SCAPER: variants seen among roughly 807,000 people sequenced by gnomAD.
The protein encoded by SCAPER is S phase cyclin A-associated protein in the endoplasmic reticulum.
A neutral mutation model predicts 182.2 loss-of-function variants in SCAPER; 98 were observed. The ratio of observed to expected loss-of-function variants is 0.54; its 90% confidence interval spans 0.46 to 0.64. SCAPER has a LOEUF of 0.64. SCAPER is among the 30% of genes least tolerant of loss of function. The pLI, the probability that SCAPER is intolerant of heterozygous loss-of-function variation, is 0.00. For synonymous variants in SCAPER, 605 were observed against 564.6 expected, an observed-to-expected ratio of 1.07 and a Z score of -1.01; for missense variants, 1,432 against 1,690.0, an observed-to-expected ratio of 0.85 and a Z score of 2.68.
intron 15 of SCAPER, among the ~76,000 whole-genome samples, chr15:76,746,972 C>T (rs181139978): frequency 5.8e-4 from 89 of 152,278 alleles, no homozygotes; most frequent in African/African-American, 1.8e-3. Flanking sequence ...CCTAACAAAA[C>T]GCCAACAGGC....
chr15:76,825,407 C>T (rs902014334), intron 5 of SCAPER, among the ~76,000 whole-genome samples: 5 of 152,140 alleles, frequency 3.3e-5, no homozygotes, highest in African/African-American at 1.2e-4. Context: ...TCTCCTCCTA[C>T]GGGCCGTATC....
chr15:76,645,249 A>G (rs759433118), intron 21 of SCAPER, among the ~76,000 whole-genome samples: 1 of 152,122 alleles, frequency 6.6e-6, no homozygotes, highest in Non-Finnish European at 1.5e-5. Context: ...GGGTCCTAGA[A>G]CCAAATGAGG....
chr15:76,460,204 G>A (rs948241939), intron 25 of SCAPER, among the ~76,000 whole-genome samples: 4 of 152,096 alleles, frequency 2.6e-5, no homozygotes, highest in African/African-American at 9.7e-5. Context: ...TGATCCATGA[G>A]CATGGATATC....
intron 8 of SCAPER, among the ~76,000 whole-genome samples, chr15:76,778,247 T>C (rs1475409444): frequency 1.3e-5 from 2 of 152,212 alleles, no homozygotes; most frequent in African/African-American, 4.8e-5. Flanking sequence ...GATAAAATAT[T>C]TGAGATAATT....
At chr15:76,351,335 G>A (rs938464304) in intron 30 of SCAPER, 47 bp from the exon 31 acceptor site, 1 of 1,527,530 alleles carries the variant, frequency 6.5e-7, no homozygotes, top group Non-Finnish European at 8.9e-7. Flanking sequence ...TATGAACAGA[G>A]AATTTCACTA....
chr15:76,570,585 C>T (rs2047366876), intron 23 of SCAPER, among the ~76,000 whole-genome samples: 1 of 152,024 alleles, frequency 6.6e-6, no homozygotes, highest in Admixed American at 6.6e-5. Context: ...TCAAGCTTAC[C>T]TTTTATTTCC....
rs2151891272 is a variant in SCAPER, at chr15:76,864,087, C to T, written c.7-1554G>A. ...CATCACATCACAAAAATCACCCAGT[C>T]AACTCACAGAATGAGATAATAGGAA... On this transcript the variant is annotated intron_variant, in intron 2 of 31. Transcript: ENST00000563290. Among the ~76,000 whole-genome samples, 2 of 152,268 alleles carry T rather than the reference C, an allele frequency of 1.3e-5. 1 individual carries two copies. The highest frequency in any genetic ancestry group is 4.1e-4 in the South Asian group (2 of 4,820).
chr15:76,675,642 C>T (rs143610815), intron 20 of SCAPER, among the ~76,000 whole-genome samples: 188 of 152,280 alleles, frequency 1.2e-3, no homozygotes, highest in Non-Finnish European at 2.1e-3. Context: ...ATGCCCTTCC[C>T]ATAATTCCAT....
chr15:76,863,307 T>G (rs1044606400), intron 2 of SCAPER, among the ~76,000 whole-genome samples: 2 of 152,220 alleles, frequency 1.3e-5, no homozygotes, highest in Admixed American at 6.5e-5. Context: ...GGATGCAGCC[T>G]CCTTATCTAA....
intron 14 of SCAPER, among the ~76,000 whole-genome samples, chr15:76,754,213 T>C (rs1412643889): frequency 6.6e-6 from 1 of 152,008 alleles, no homozygotes; most frequent in African/African-American, 2.4e-5. Flanking sequence ...AAAAATAACA[T>C]TACCTAACTC....
intron 5 of SCAPER, among the ~76,000 whole-genome samples, chr15:76,835,281 G>C (rs552132992): frequency 5.7e-4 from 86 of 151,582 alleles, no homozygotes; most frequent in African/African-American, 2.1e-3. Context: ...AAAAAAGAAA[G>C]AAAAACAAAA....
At chr15:76,453,824 T>A (rs1037120847) in intron 25 of SCAPER, among the ~76,000 whole-genome samples, 4 of 152,188 alleles carry the variant, frequency 2.6e-5, no homozygotes, top group Non-Finnish European at 4.4e-5. Flanking sequence ...AATAAATACT[T>A]CTCTCTCACT....
chr15:76,828,776 T>C (rs1005001264), intron 5 of SCAPER, among the ~76,000 whole-genome samples: 2 of 152,246 alleles, frequency 1.3e-5, no homozygotes, highest in African/African-American at 4.8e-5. Flanking sequence ...ACTCTTAGCC[T>C]TCTATCCTTG....
At chr15:76,784,271 A>G (rs1479729026) in intron 8 of SCAPER, among the ~76,000 whole-genome samples, 1 of 152,186 alleles carries the variant, frequency 6.6e-6, no homozygotes, top group South Asian at 2.1e-4. Flanking sequence ...ATCATGAGTG[A>G]ACTCCCATTC....
intron 23 of SCAPER, among the ~76,000 whole-genome samples, chr15:76,548,557 C>A (rs1411072571): frequency 1.3e-5 from 2 of 152,174 alleles, no homozygotes; most frequent in African/African-American, 2.4e-5. Context: ...GGGGTAAACA[C>A]TGCATCTGTA....
intron 17 of SCAPER, among the ~76,000 whole-genome samples, chr15:76,711,743 A>G (rs1055648785): frequency 3.3e-5 from 5 of 152,202 alleles, no homozygotes; most frequent in African/African-American, 1.2e-4. Context: ...TTCTTTTGAG[A>G]AGTGTCTGTT....
chr15:76,517,715 C>T (rs1438396012), intron 23 of SCAPER, among the ~76,000 whole-genome samples: 1 of 152,106 alleles, frequency 6.6e-6, no homozygotes, highest in Non-Finnish European at 1.5e-5. Context: ...TGGTAGTATA[C>T]TTTTAACTAA....
chr15:76,429,189 CA>C lies in SCAPER; in HGVS notation c.3311+4888del, dbSNP rs2046686093. Among the ~76,000 whole-genome samples, 4 of 152,180 alleles carry C rather than the reference CA, an allele frequency of 2.6e-5. No homozygotes were observed. The South Asian group carries it at 6.2e-4, about 24-fold the overall frequency. On this transcript the variant is annotated intron_variant, in intron 26 of 31. Transcript: ENST00000563290. Reference sequence around the variant, plus strand: ...TTCCAGCATGATTGTGAGGCCTCCCCAGCCATCTGGAAATTTAAGTCCATTA... The same window carrying C: ...TTCCAGCATGATTGTGAGGCCTCCCCGCCATCTGGAAATTTAAGTCCATTA...
chr15:76,477,031 T>C (rs1440060192), intron 24 of SCAPER, among the ~76,000 whole-genome samples: 1 of 152,138 alleles, frequency 6.6e-6, no homozygotes, highest in Non-Finnish European at 1.5e-5. Context: ...TACTTGCGTA[T>C]ATAATAGAAT....
Sources: gnomAD v4.1 joint callset for allele counts (sites outside exome capture counted in the v4.1 genomes callset) on GRCh38, gnomAD v4.1.1 for gene constraint, MANE v1.5 for transcripts, NCBI Gene and HGNC (gene_info 2026-07-23, HGNC 2026-07-21) for gene names.